Variants in NALF1 observed in about 807,000 individuals in gnomAD.
NALF1 encodes the protein NALCN channel auxiliary factor 1, also known as family with sequence similarity 155 member A.
Under a neutral mutation model 48.4 loss-of-function variants are expected in NALF1, and 3 were observed. The ratio of observed to expected loss-of-function variants is 0.06; its 90% CI spans 0.03 to 0.16. The LOEUF (loss-of-function observed/expected upper bound fraction) is 0.16. Ranked by LOEUF, NALF1 falls within the 10% of genes least tolerant of loss-of-function variation. The pLI is 1.00. For missense variants in NALF1, 526 were observed against 571.5 expected, an observed-to-expected ratio of 0.92 and a Z score of 0.81; for synonymous variants, 262 against 245.7, an observed-to-expected ratio of 1.07 and a Z score of -0.62.
At chr13:107,630,040 T>G (rs1180405865) in intron 1 of NALF1, among the ~76,000 whole-genome samples, 1 of 152,156 alleles carries the variant, frequency 6.6e-6, no homozygotes, top group African/African-American at 2.4e-5. Flanking sequence ...ATGGCTTGGA[T>G]AGACTCTCTT....
intron 1 of NALF1, among the ~76,000 whole-genome samples, chr13:107,429,153 C>G (rs986791496): frequency 6.6e-6 from 1 of 151,864 alleles, no homozygotes; most frequent in Non-Finnish European, 1.5e-5. Flanking sequence ...TGAAACCCCC[C>G]TCTCTACTGA....
chr13:107,709,691 C>A (rs1875508008), intron 1 of NALF1, among the ~76,000 whole-genome samples: 1 of 152,200 alleles, frequency 6.6e-6, no homozygotes, highest in Non-Finnish European at 1.5e-5. Flanking sequence ...ATAGTCTCAA[C>A]ATGCATATGG....
chr13:107,753,838 AAGCTAATGGTACAAATAAATCTGTGATGC>A (rs1877009428), intron 1 of NALF1, among the ~76,000 whole-genome samples: 3 of 152,272 alleles, frequency 2.0e-5, no homozygotes, highest in African/African-American at 7.2e-5. Flanking sequence ...TAGGTTCAAA[AAGCTAATGGTACAAATAAATCTGTGATGC>A]AGCAGGACTG....
At chr13:107,550,607 T>C (rs991024020) in intron 1 of NALF1, among the ~76,000 whole-genome samples, 1 of 152,168 alleles carries the variant, frequency 6.6e-6, no homozygotes, top group Admixed American at 6.5e-5. Flanking sequence ...AGACCCTTCA[T>C]TGTAGCACTT....
At chr13:107,200,598 T>A (rs1407364184) in intron 2 of NALF1, among the ~76,000 whole-genome samples, 1 of 152,142 alleles carries the variant, frequency 6.6e-6, no homozygotes, top group Non-Finnish European at 1.5e-5. Context: ...GCAACAAAAA[T>A]ATGCCTTGCA....
chr13:107,552,869 C>T (rs1877337635), intron 1 of NALF1, among the ~76,000 whole-genome samples: 4 of 151,936 alleles, frequency 2.6e-5, no homozygotes, highest in Admixed American at 2.0e-4. Flanking sequence ...GATTTACTGT[C>T]GTTTATATAA....
chr13:107,254,062 A>AAAAAAAAAAAAAAATAT lies in NALF1; in HGVS notation c.916-43308_916-43307insATATTTTTTTTTTTTTT. Among the ~76,000 whole-genome samples the AAAAAAAAAAAAAAATAT allele has an allele frequency of 2.7e-4, 37 of 138,680 alleles. 1 individual carries two copies. In the South Asian group the frequency reaches 7.5e-3, roughly 28 times the overall value. The allele number at this position is 138,680 out of a possible 152,430, so 91.0% of individuals were successfully genotyped here. A position where few individuals can be genotyped will look rare whatever the true frequency, so the allele number is the denominator to read the frequency against. The stretch of plus-strand genomic sequence containing the variant: ...AGATGTTTAAGGGAGCAAGTACTAA[A>AAAAAAAAAAAAAAATAT]ATATATATATATATATTAAGCACAC... On this transcript the variant is annotated intron_variant, in intron 1 of 2. Transcript: ENST00000375915.
chr13:107,305,220 A>G (rs975860023), intron 1 of NALF1, among the ~76,000 whole-genome samples: 2 of 152,188 alleles, frequency 1.3e-5, no homozygotes, highest in African/African-American at 4.8e-5. Flanking sequence ...GGGACCCCCA[A>G]AAAGCATATT....
At chr13:107,561,877 G>A (rs1048133289) in intron 1 of NALF1, among the ~76,000 whole-genome samples, 3 of 152,114 alleles carry the variant, frequency 2.0e-5, no homozygotes, top group Non-Finnish European at 4.4e-5. Flanking sequence ...CCGTTAACGT[G>A]CTCAATGTTA....
chr13:107,544,537 A>G (rs1448623184), intron 1 of NALF1, among the ~76,000 whole-genome samples: 2 of 152,116 alleles, frequency 1.3e-5, no homozygotes, highest in Non-Finnish European at 2.9e-5. Context: ...TTCCATCTAA[A>G]CCATTTTTGC....
At chr13:107,660,451 AC>A (rs1566434003) in intron 1 of NALF1, among the ~76,000 whole-genome samples, 9 of 113,456 alleles carry the variant, frequency 7.9e-5, no homozygotes, top group African/African-American at 4.0e-4. Flanking sequence ...ACACACACAC[AC>A]ACACACACAC....
chr13:107,719,324 A>G (rs73603335), intron 1 of NALF1, among the ~76,000 whole-genome samples: 1,766 of 152,280 alleles, frequency 0.012, 40 homozygotes, highest in African/African-American at 0.041. Context: ...AGCTGTCTCA[A>G]CAAGGCCTTT....
chr13:107,512,157 G>A (rs1488100658), intron 1 of NALF1, among the ~76,000 whole-genome samples: 1 of 152,198 alleles, frequency 6.6e-6, no homozygotes, highest in Admixed American at 6.5e-5. Flanking sequence ...CACTTTGGGA[G>A]GCCAAGGCGG....
intron 1 of NALF1, among the ~76,000 whole-genome samples, chr13:107,387,255 A>G (rs115500959): frequency 0.013 from 1,920 of 151,866 alleles, 37 homozygotes; most frequent in African/African-American, 0.044. Context: ...TCGCAAATCT[A>G]TATTACTCCT....
intron 1 of NALF1, among the ~76,000 whole-genome samples, chr13:107,499,151 C>A (rs1875433468): frequency 7.8e-6 from 1 of 128,418 alleles, no homozygotes; most frequent in East Asian, 2.3e-4. Context: ...AATGAATTAA[C>A]TCCAGAAGTT....
chr13:107,460,466 C>T (rs970026739), intron 1 of NALF1, among the ~76,000 whole-genome samples: 7 of 152,326 alleles, frequency 4.6e-5, no homozygotes, highest in South Asian at 2.1e-4. Context: ...TGTGCTCAGT[C>T]CCAATGTGCT....
In NALF1 at chr13:107,804,536, G is replaced by A. The variant is rs148844350; in HGVS notation, c.915+61146C>T. Among the ~76,000 whole-genome samples the A allele has an allele frequency of 5.4e-3, 820 of 152,216 alleles. 5 individuals carry two copies. The highest frequency in any genetic ancestry group is 0.018 in the African/African-American group (747 of 41,546). On this transcript the variant is annotated intron_variant, in intron 1 of 2. Transcript: ENST00000375915. ...CTAGTCCCCAAGCTCCCTGAAGACA[G>A]GGACAACATCCCTCCATCCTGTGGC...
intron 1 of NALF1, among the ~76,000 whole-genome samples, chr13:107,443,099 TCAGA>T (rs1342469626): frequency 6.6e-6 from 1 of 152,166 alleles, no homozygotes. Context: ...CAAATTTACC[TCAGA>T]AAGAAAAATT....
intron 1 of NALF1, among the ~76,000 whole-genome samples, chr13:107,292,707 G>A (rs74560049): frequency 0.028 from 4,331 of 152,198 alleles, 68 homozygotes; most frequent in Middle Eastern, 0.061. Flanking sequence ...CCTGCCTGAG[G>A]CTGTTTACAG....
Sources: gnomAD v4.1 joint callset for allele counts (sites outside exome capture counted in the v4.1 genomes callset) on GRCh38, gnomAD v4.1.1 for gene constraint, MANE v1.5 for transcripts, NCBI Gene and HGNC (gene_info 2026-07-23, HGNC 2026-07-21) for gene names.